PDE4A: variants seen among roughly 807,000 people sequenced by gnomAD.
PDE4A encodes 3',5'-cyclic-AMP phosphodiesterase 4A.
In PDE4A, 21 loss-of-function variants were observed where a neutral mutation model predicts 73.9. The ratio of observed to expected loss-of-function variants is 0.28; its 90% CI spans 0.20 to 0.41. The LOEUF is 0.41. Among genes scored for constraint, PDE4A ranks in the 10% least tolerant of loss-of-function variants. The probability of loss-of-function intolerance (pLI) is 1.00; values close to 1 mark genes in which losing one functional copy is unlikely to be tolerated. For synonymous variants in PDE4A, 463 were observed against 505.4 expected (o/e 0.92, Z 1.13); for missense variants, 958 against 1,211.4 (o/e 0.79, Z 3.10).
chr19:10,430,901 G>T, intron 1 of PDE4A: 1 of 1,455,732 alleles, frequency 6.9e-7, no homozygotes, highest in Non-Finnish European at 9.0e-7. Context: ...TGGCCTTCCC[G>T]GTGGCGGTGG....
At chr19:10,457,691 C>T (rs2043193460) in intron 7 of PDE4A, 188 bp from the exon 8 acceptor site, 1 of 711,050 alleles carries the variant, frequency 1.4e-6, no homozygotes, top group Non-Finnish European at 1.7e-6. Flanking sequence ...CTCCAGCCCA[C>T]CACCTCCTGG....
In PDE4A at chr19:10,459,510, A is replaced by G; in HGVS notation, c.1200+12A>G. The G allele has an allele frequency of 6.2e-7, 1 of 1,612,744 alleles. No homozygotes were observed. The highest frequency in any genetic ancestry group is 1.1e-5 in the South Asian group (1 of 91,034). On this transcript the variant is annotated intron_variant, in intron 9 of 14. Coordinates refer to ENST00000380702, the MANE Select transcript of PDE4A (RefSeq NM_001111307.2). The stretch of plus-strand genomic sequence containing the variant: ...ACATGATATTCCAGGTGATGGGGAC[A>G]GCTGGGAGTGGGCCCGGGTGAGGGG...
At chr19:10,431,093 G>A in intron 1 of PDE4A, 1 of 1,513,294 alleles carries the variant, frequency 6.6e-7, no homozygotes. Flanking sequence ...CTGGGTAAGT[G>A]CAGCGCTGGT....
At chr19:10,416,855 T>G (rs2042592379), upstream of PDE4A, 1 of 1,533,596 alleles carries the variant, frequency 6.5e-7, no homozygotes, top group African/African-American at 1.4e-5. Flanking sequence ...GGGGCACTGA[T>G]GGCAGATGCG....
intron 1 of PDE4A, among the ~76,000 whole-genome samples, chr19:10,425,977 ACC>A (rs2042711601): frequency 9.4e-6 from 1 of 106,446 alleles, no homozygotes; most frequent in African/African-American, 4.2e-5. Flanking sequence ...AGAGACTGAG[ACC>A]CTGTCAAAAA....
At position 10,454,815 on chromosome 19, in the gene PDE4A, C is replaced by T; in HGVS notation, c.784-14C>T. The T allele has an allele frequency of 6.2e-7, 1 of 1,613,952 alleles. No homozygotes were observed. The highest frequency in any genetic ancestry group is 8.5e-7 in the Non-Finnish European group (1 of 1,179,882). On this transcript the variant is annotated splice_polypyrimidine_tract_variant and intron_variant, in intron 6 of 14. Coordinates refer to ENST00000380702, the MANE Select transcript of PDE4A (RefSeq NM_001111307.2). ...TCCCCCATCATTTCTTCCTTGTTGACTCCTTTACCTTAGTTCAAAAGGATG... is the reference window on the plus strand; with the variant it reads ...TCCCCCATCATTTCTTCCTTGTTGATTCCTTTACCTTAGTTCAAAAGGATG...
chr19:10,464,940 C>A (rs1210521059), intron 14 of PDE4A, among the ~76,000 whole-genome samples: 1 of 151,978 alleles, frequency 6.6e-6, no homozygotes, highest in Non-Finnish European at 1.5e-5. Context: ...TGGTCTCGAA[C>A]TCCTGGGCTC....
At chr19:10,430,730 C>A (rs894459770) in intron 1 of PDE4A, 2 of 241,352 alleles carry the variant, frequency 8.3e-6, no homozygotes, top group Non-Finnish European at 1.3e-5. Flanking sequence ...AGGGCCGAGG[C>A]GACAGGGCGG....
intron 10 of PDE4A, 200 bp from the exon 11 acceptor site, chr19:10,460,798 CAAAAAA>C (rs34675916): frequency 2.9e-5 from 3 of 103,420 alleles, no homozygotes; most frequent in Non-Finnish European, 4.0e-5. Flanking sequence ...AACTCTGTCT[CAAAAAA>C]AAAAAAAAAA....
chr19:10,466,857 G>A (rs201525511), intron 14 of PDE4A, 30 bp from the exon 15 acceptor site: 71 of 1,597,892 alleles, frequency 4.4e-5, no homozygotes, highest in Non-Finnish European at 5.5e-5. Context: ...CCCATAGGCC[G>A]CCCATTTATA....
intron 6 of PDE4A, among the ~76,000 whole-genome samples, chr19:10,451,547 T>G (rs1464114463): frequency 6.6e-6 from 1 of 152,038 alleles, no homozygotes; most frequent in Admixed American, 6.6e-5. Flanking sequence ...TGTACTTGTG[T>G]AGGTGTATAG....
chr19:10,458,078 C>T lies in PDE4A; in HGVS notation c.1077C>T (p.Thr359=), dbSNP rs780878461. 3.1e-6 allele frequency: 5 copies of T among 1,613,718 alleles called. No individual in the cohort carries two copies. The South Asian group carries it at 3.3e-5, about 11-fold the overall frequency. ...ACATTCCCCGATTTGGGGTGAAGAC[C>T]GATCAAGAAGAGCTCCTGGCCCAAG... The part of the protein sequence containing the change: ...NSNIPRFGVK[T]DQEELLAQEL... Residue 359 remains threonine, a synonymous_variant, in exon 8 of 15, where the codon ACC becomes ACT. Coordinates refer to ENST00000380702, the MANE Select transcript of PDE4A (RefSeq NM_001111307.2). This position sits in a 1 kb window ranked among gnomAD's most constrained non-coding sequence, Gnocchi z 4.6.
At chr19:10,463,748 C>T (rs76884064) in intron 13 of PDE4A, 45 bp from the exon 14 acceptor site, 1 of 1,602,770 alleles carries the variant, frequency 6.2e-7, no homozygotes, top group East Asian at 2.2e-5. Context: ...GACTGGGACA[C>T]AGGCATAGCC....
At position 10,446,303 on chromosome 19, in the gene PDE4A, G is replaced by A. The variant is rs764036422; in HGVS notation, c.406G>A (p.Gly136Arg). The A allele has an allele frequency of 1.8e-5, 29 of 1,612,024 alleles. No homozygotes were observed. The highest frequency in any genetic ancestry group is 1.6e-4 in the Middle Eastern group (1 of 6,080). Residue 136 changes from glycine to arginine, a missense_variant, in exon 2 of 15, where the codon GGG (glycine) becomes AGG (arginine). This residue lies in a region of PDE4A where 570 missense variants were observed against 827.7 expected (regional missense o/e 0.69). Transcript: ENST00000380702. Reference protein sequence around the residue: ...QASPGLVLHAGAATSQRRESF... With the variant: ...QASPGLVLHARAATSQRRESF... Reference sequence around the variant, plus strand: ...GAGCCCAGGACTCGTGCTGCACGCCGGGGCGGCCACCAGCCAGCGCCGGGA... The same window carrying A: ...GAGCCCAGGACTCGTGCTGCACGCCAGGGCGGCCACCAGCCAGCGCCGGGA...
intron 1 of PDE4A, among the ~76,000 whole-genome samples, chr19:10,437,717 C>A (rs1015123771): frequency 6.6e-6 from 1 of 151,590 alleles, no homozygotes; most frequent in Non-Finnish European, 1.5e-5. Flanking sequence ...TCTGCTTGGC[C>A]CATTTTATCC....
At chr19:10,434,591 GT>G (rs925177339) in intron 1 of PDE4A, among the ~76,000 whole-genome samples, 1 of 144,378 alleles carries the variant, frequency 6.9e-6, no homozygotes, top group Non-Finnish European at 1.5e-5. Flanking sequence ...ACATAAGTTT[GT>G]TTTTTTTTTC....
chr19:10,417,589 G>T (rs776464919), upstream of PDE4A: 20 of 1,502,992 alleles, frequency 1.3e-5, no homozygotes, highest in Non-Finnish European at 1.8e-5. Context: ...CTAGGTAGGG[G>T]TGTTCTTGGG....
intron 1 of PDE4A, chr19:10,432,687 C>T: frequency 9.7e-7 from 1 of 1,026,942 alleles, no homozygotes. Flanking sequence ...CTTCCAGGAT[C>T]TGGCTGGGGC....
At chr19:10,430,295 C>T (rs7252897) in intron 1 of PDE4A, among the ~76,000 whole-genome samples, 26,439 of 150,168 alleles carry the variant, frequency 0.18, 2,750 homozygotes, top group African/African-American at 0.29. Flanking sequence ...GTGGCATGTC[C>T]CAGAAACAGT....
Sources: gnomAD v4.1 joint callset for allele counts (sites outside exome capture counted in the v4.1 genomes callset) on GRCh38, gnomAD v4.1.1 for gene constraint, gnomAD v4.1.1 regional missense constraint, Gnocchi (gnomAD v3.1) non-coding constraint, MANE v1.5 for transcripts, NCBI Gene and HGNC (gene_info 2026-07-23, HGNC 2026-07-21) for gene names.